The following ZDHHC14 variants were observed in gnomAD, a reference collection of about 807,000 sequenced individuals.
ZDHHC14 encodes the protein palmitoyltransferase ZDHHC14.
A neutral mutation model predicts 47.7 loss-of-function variants in ZDHHC14; 16 were observed. That is an observed-to-expected ratio of 0.34 (90% CI 0.23 to 0.51). The LOEUF (loss-of-function observed/expected upper bound fraction) is 0.51. Ranked by LOEUF, ZDHHC14 falls within the 20% of genes least tolerant of loss-of-function variation. ZDHHC14 has a pLI of 0.97. For missense variants in ZDHHC14, 515 were observed against 662.5 expected (o/e 0.78, Z 2.44); for synonymous variants, 293 against 278.9 (o/e 1.05, Z -0.50).
chr6:157,501,898 T>C (rs964305009), intron 1 of ZDHHC14, among the ~76,000 whole-genome samples: 6 of 152,216 alleles, frequency 3.9e-5, no homozygotes, highest in Non-Finnish European at 1.5e-5. Context: ...TATTTCAGCT[T>C]CTTCAGGACA....
At chr6:157,443,010 C>G (rs775644938) in intron 1 of ZDHHC14, among the ~76,000 whole-genome samples, 11 of 152,160 alleles carry the variant, frequency 7.2e-5, no homozygotes, top group Non-Finnish European at 1.6e-4. Flanking sequence ...TGGTTAGACT[C>G]TGTGTCCCCA....
intron 1 of ZDHHC14, among the ~76,000 whole-genome samples, chr6:157,473,648 A>G (rs528711843): frequency 2.4e-4 from 37 of 152,342 alleles, no homozygotes; most frequent in African/African-American, 8.2e-4. Context: ...CCCCAAATCC[A>G]AAATGCTCCC....
At chr6:157,619,937 C>G (rs4709443) in intron 3 of ZDHHC14, among the ~76,000 whole-genome samples, 54,953 of 151,980 alleles carry the variant, frequency 0.36, 10,889 homozygotes, top group East Asian at 0.86. Context: ...AGTTTAAGGA[C>G]ACAGAATTAG....
intron 1 of ZDHHC14, among the ~76,000 whole-genome samples, chr6:157,456,089 G>T (rs1286352519): frequency 1.3e-5 from 2 of 152,106 alleles, no homozygotes; most frequent in African/African-American, 4.8e-5. Flanking sequence ...TGCGCCCTCC[G>T]TTATGAAAAC....
chr6:157,482,452 C>T (rs1562442979), intron 1 of ZDHHC14, among the ~76,000 whole-genome samples: 1 of 151,794 alleles, frequency 6.6e-6, no homozygotes, highest in Non-Finnish European at 1.5e-5. Context: ...CGGGGTTTCA[C>T]CATGGTGGCC....
At chr6:157,633,184 C>T (rs1428800097) in intron 5 of ZDHHC14, among the ~76,000 whole-genome samples, 1 of 152,174 alleles carries the variant, frequency 6.6e-6, no homozygotes, top group Non-Finnish European at 1.5e-5. Flanking sequence ...TGAGCTGCAA[C>T]TGATCTCATT....
chr6:157,627,404 A>G (rs1055330035), intron 3 of ZDHHC14, among the ~76,000 whole-genome samples: 1 of 152,244 alleles, frequency 6.6e-6, no homozygotes, highest in African/African-American at 2.4e-5. Context: ...CGCCACAGGC[A>G]GTCTTGTATG....
chr6:157,652,167 TG>T lies in ZDHHC14; in HGVS notation c.966-1356del, dbSNP rs1289710468. Among the ~76,000 whole-genome samples the T allele has an allele frequency of 3.3e-5, 5 of 152,186 alleles. No individual in the cohort carries two copies. The East Asian group carries it at 9.6e-4, about 29-fold the overall frequency. On this transcript the variant is annotated intron_variant, in intron 7 of 8. Coordinates refer to ENST00000359775, the MANE Select transcript of ZDHHC14 (RefSeq NM_024630.3). ...TTTCTAAACCTATGGAGTGTTCAGCTGGAACTGAGGCAGAGAGTCCCATTTG... is the reference window on the plus strand; with the variant it reads ...TTTCTAAACCTATGGAGTGTTCAGCTGAACTGAGGCAGAGAGTCCCATTTG...
intron 3 of ZDHHC14, among the ~76,000 whole-genome samples, chr6:157,612,507 C>T (rs531114005): frequency 2.6e-5 from 4 of 152,352 alleles, no homozygotes; most frequent in East Asian, 1.9e-4. Context: ...GGGAGATGTT[C>T]AGGCGTGGGC....
At chr6:157,533,641 G>C (rs190210310) in intron 1 of ZDHHC14, among the ~76,000 whole-genome samples, 1 of 152,112 alleles carries the variant, frequency 6.6e-6, no homozygotes, top group Non-Finnish European at 1.5e-5. Flanking sequence ...TTGTAGCCTC[G>C]GCAAGTACCT....
chr6:157,478,246 A>G (rs993373169), intron 1 of ZDHHC14, among the ~76,000 whole-genome samples: 3 of 152,214 alleles, frequency 2.0e-5, no homozygotes, highest in African/African-American at 7.2e-5. Context: ...TTGAACAATG[A>G]TAGAGTTTTT....
chr6:157,381,190 G>A lies in ZDHHC14; in HGVS notation c.-832G>A, dbSNP rs1777201162. 6.6e-6 allele frequency: 1 copy of A among 150,902 alleles called. No individual in the cohort carries two copies. Among genetic ancestry groups the A allele is most frequent in the African/African-American group, 2.4e-5 (1 of 40,908 alleles). The allele number at this position is 150,902 out of a possible 1,614,324, so 9.3% of individuals were successfully genotyped here. A position where few individuals can be genotyped will look rare whatever the true frequency, so the allele number is the denominator to read the frequency against. On this transcript the variant is annotated 5_prime_UTR_variant, in exon 1 of 9. Coordinates refer to ENST00000359775, the MANE Select transcript of ZDHHC14 (RefSeq NM_024630.3). ...CGGAGCGCCGCGCGCGCGCCGGGCT[G>A]AGCCTTGCAAACAAGTGTCTGTGCT...
chr6:157,657,919 C>A (rs558275198), intron 8 of ZDHHC14, among the ~76,000 whole-genome samples: 7 of 152,258 alleles, frequency 4.6e-5, no homozygotes, highest in African/African-American at 1.7e-4. Context: ...AGAAGCATGA[C>A]CTTGATGAGT....
intron 2 of ZDHHC14, among the ~76,000 whole-genome samples, chr6:157,578,624 G>T (rs1783395546): frequency 6.6e-6 from 1 of 152,078 alleles, no homozygotes; most frequent in Non-Finnish European, 1.5e-5. Context: ...ATGTGTCAAG[G>T]GCAGGACCAG....
At chr6:157,477,430 C>A (rs1343224008) in intron 1 of ZDHHC14, among the ~76,000 whole-genome samples, 2 of 152,172 alleles carry the variant, frequency 1.3e-5, no homozygotes, top group African/African-American at 4.8e-5. Flanking sequence ...GTTGTTTGTG[C>A]AGACATTATC....
At chr6:157,547,362 G>A (rs931762565) in intron 2 of ZDHHC14, among the ~76,000 whole-genome samples, 1 of 151,916 alleles carries the variant, frequency 6.6e-6, no homozygotes, top group African/African-American at 2.4e-5. Flanking sequence ...GTCTCTCGAG[G>A]AAATTTCTAG....
chr6:157,540,908 G>GTATATATATATATATATA (rs1200618040), intron 1 of ZDHHC14, among the ~76,000 whole-genome samples: 7 of 131,522 alleles, frequency 5.3e-5, no homozygotes, highest in African/African-American at 1.9e-4. Flanking sequence ...GTGTGTGTGT[G>GTATATATATATATATATA]TGTATATATA....
At chr6:157,630,557 TACCCTTACACACCCACAC>T in intron 4 of ZDHHC14, 1 of 145,118 alleles carries the variant, frequency 6.9e-6, no homozygotes. Flanking sequence ...CACTCTCACA[TACCCTTACACACCCACAC>T]ACCCTTACAC....
At chr6:157,475,544 T>C (rs374235850) in intron 1 of ZDHHC14, among the ~76,000 whole-genome samples, 4 of 152,282 alleles carry the variant, frequency 2.6e-5, no homozygotes, top group Admixed American at 1.3e-4. Flanking sequence ...TTCATCAGTG[T>C]TTTATAGTTT....
Sources: gnomAD v4.1 joint callset for allele counts (sites outside exome capture counted in the v4.1 genomes callset) on GRCh38, gnomAD v4.1.1 for gene constraint, MANE v1.5 for transcripts, NCBI Gene and HGNC (gene_info 2026-07-23, HGNC 2026-07-21) for gene names.